The following MSANTD2 variants were observed in gnomAD, a reference collection of about 807,000 sequenced individuals.
MSANTD2 encodes Myb/SANT DNA binding domain containing 2.
MSANTD2 carries 19 observed loss-of-function variants against 52.6 expected under a neutral mutation model. That is an observed-to-expected ratio of 0.36 (90% CI 0.25 to 0.53). MSANTD2 has a LOEUF of 0.53. MSANTD2 is among the 20% of genes least tolerant of loss of function. The pLI is 0.91. For synonymous variants in MSANTD2, 291 were observed against 289.7 expected, an observed-to-expected ratio of 1.00 and a Z score of -0.04; for missense variants, 558 against 716.3, an observed-to-expected ratio of 0.78 and a Z score of 2.52.
At chr11:124,777,496 G>A (rs1446786275) in intron 1 of MSANTD2, among the ~76,000 whole-genome samples, 1 of 152,204 alleles carries the variant, frequency 6.6e-6, no homozygotes, top group Non-Finnish European at 1.5e-5. Context: ...TACTCTCTTT[G>A]GAACCACCAA....
chr11:124,777,711 C>G (rs1944797022), intron 1 of MSANTD2, among the ~76,000 whole-genome samples: 1 of 152,184 alleles, frequency 6.6e-6, no homozygotes, highest in Non-Finnish European at 1.5e-5. Context: ...AAATATCTAT[C>G]AGGGGCCTGA....
chr11:124,791,712 T>A (rs1162012029), intron 1 of MSANTD2: 2 of 956,858 alleles, frequency 2.1e-6, no homozygotes, highest in East Asian at 5.1e-5. Context: ...AGGGGAAAGA[T>A]GAGAGGTACC....
intron 1 of MSANTD2, among the ~76,000 whole-genome samples, chr11:124,780,066 T>C (rs1351158493): frequency 1.3e-5 from 2 of 152,208 alleles, no homozygotes; most frequent in Non-Finnish European, 2.9e-5. Context: ...CACCATTTAA[T>C]ATCTTTAAGA....
chr11:124,782,174 T>C (rs889710258), intron 1 of MSANTD2, among the ~76,000 whole-genome samples: 1 of 152,118 alleles, frequency 6.6e-6, no homozygotes, highest in African/African-American at 2.4e-5. Context: ...GGAGCCAGAA[T>C]CAGTGGCTCA....
chr11:124,775,040 A>T lies in MSANTD2; in HGVS notation c.511-66T>A, dbSNP rs145826543. On this transcript the variant is annotated intron_variant, in intron 1 of 3. Coordinates refer to ENST00000374979, the MANE Select transcript of MSANTD2 (RefSeq NM_001308027.2). ...TTCCTCTTCCAGGTACGGACCACAG[A>T]TATTAATTACTATTAGACAGACACA... 43 of 1,414,894 alleles carry T rather than the reference A, an allele frequency of 3.0e-5. No individual in the cohort carries two copies. The Admixed American group carries it at 6.6e-4, about 22-fold the overall frequency. 87.6% of individuals were successfully genotyped at this position (1,414,894 alleles called of 1,614,324 possible).
chr11:124,791,550 G>A, intron 1 of MSANTD2: 2 of 1,206,736 alleles, frequency 1.7e-6, no homozygotes, highest in Non-Finnish European at 2.4e-6. Context: ...GCAGACAGAA[G>A]GGTCACCAAT....
chr11:124,792,707 T>C (rs980062227), intron 1 of MSANTD2: 2 of 152,232 alleles, frequency 1.3e-5, no homozygotes, highest in African/African-American at 4.8e-5. Context: ...TTGAAGGTGA[T>C]GGTATACTAC....
intron 1 of MSANTD2, among the ~76,000 whole-genome samples, chr11:124,796,629 C>T (rs1945503558): frequency 6.6e-6 from 1 of 152,152 alleles, no homozygotes; most frequent in South Asian, 2.1e-4. Context: ...GAATTTTTGA[C>T]AGGAATTTCA....
chr11:124,789,478 T>C (rs562424165), intron 1 of MSANTD2: 7 of 152,302 alleles, frequency 4.6e-5, no homozygotes, highest in Admixed American at 3.3e-4. Flanking sequence ...GCCCAAAATA[T>C]ATAATTTATG....
intron 1 of MSANTD2, among the ~76,000 whole-genome samples, chr11:124,795,762 T>G (rs866379441): frequency 6.6e-5 from 10 of 152,282 alleles, no homozygotes; most frequent in Middle Eastern, 6.8e-3. Flanking sequence ...TAGTAAGCAC[T>G]TAAGTATTTG....
intron 1 of MSANTD2, among the ~76,000 whole-genome samples, chr11:124,783,131 G>A (rs1055137760): frequency 3.9e-5 from 6 of 152,056 alleles, no homozygotes; most frequent in African/African-American, 1.2e-4. Flanking sequence ...GATTTTAATC[G>A]GGTCAAACAG....
At chr11:124,785,908 G>T (rs933206950) in intron 1 of MSANTD2, among the ~76,000 whole-genome samples, 6 of 151,754 alleles carry the variant, frequency 4.0e-5, no homozygotes, top group African/African-American at 1.2e-4. Context: ...TGTCTTTAAT[G>T]TAAGTTCATC....
Position 124,774,015 on chromosome 11 carries a change from A to T in MSANTD2, c.766+704T>A, listed in dbSNP as rs993777197. On this transcript the variant is annotated intron_variant, in intron 2 of 3. Coordinates refer to ENST00000374979, the MANE Select transcript of MSANTD2 (RefSeq NM_001308027.2). This position sits in a 1 kb window ranked among gnomAD's most constrained non-coding sequence, Gnocchi z 5.1. Reference sequence around the variant, plus strand: ...CGCAAAGAAACAGAACAATCCCACAACTACATATATACTCTTAGTTAGGCC... The same window carrying T: ...CGCAAAGAAACAGAACAATCCCACATCTACATATATACTCTTAGTTAGGCC... 2.0e-5 allele frequency among the ~76,000 whole-genome samples: 3 copies of T among 152,214 alleles called. No homozygotes were observed. Among genetic ancestry groups the T allele is most frequent in the African/African-American group, 2.4e-5 (1 of 41,452 alleles).
At chr11:124,783,903 A>G in intron 1 of MSANTD2, 1 of 985,384 alleles carries the variant, frequency 1.0e-6, no homozygotes, top group African/African-American at 1.7e-5. Context: ...ACACTCATAC[A>G]ATGATCTCAG....
chr11:124,785,591 G>A (rs141827019), intron 1 of MSANTD2, among the ~76,000 whole-genome samples: 1,897 of 152,302 alleles, frequency 0.012, 19 homozygotes, highest in South Asian at 0.063. Flanking sequence ...GCTGCCACCA[G>A]AGAGTGGGGG....
intron 1 of MSANTD2, among the ~76,000 whole-genome samples, chr11:124,799,533 GC>G (rs918873257): frequency 1.3e-5 from 2 of 152,334 alleles, no homozygotes; most frequent in Non-Finnish European, 2.9e-5. Context: ...AAAGCGAGGG[GC>G]CCCGGCGGTG....
intron 1 of MSANTD2, among the ~76,000 whole-genome samples, chr11:124,796,553 C>T (rs1945499950): frequency 6.6e-6 from 1 of 152,044 alleles, no homozygotes; most frequent in South Asian, 2.1e-4. Context: ...CTCAAGCGAT[C>T]CTCCCACCTC....
intron 1 of MSANTD2, among the ~76,000 whole-genome samples, chr11:124,794,058 C>A (rs559067710): frequency 6.6e-6 from 1 of 152,248 alleles, no homozygotes; most frequent in East Asian, 1.9e-4. Context: ...AGGCACAATG[C>A]CACACATTTT....
In MSANTD2 at chr11:124,791,726, G is replaced by A. The variant is rs1040956453; in HGVS notation, c.510+8145C>T. On this transcript the variant is annotated intron_variant, in intron 1 of 3. Transcript: ENST00000374979. ...AAGGGGAAAGATGAGAGGTACCACAGAGACTGGGGTGAAAAGGGGAGCCAA... is the reference window on the plus strand; with the variant it reads ...AAGGGGAAAGATGAGAGGTACCACAAAGACTGGGGTGAAAAGGGGAGCCAA... The A allele has an allele frequency of 5.9e-6, 5 of 847,760 alleles. No individual in the cohort carries two copies. In the Admixed American group the frequency reaches 8.3e-5, roughly 14 times the overall value. The allele number at this position is 847,760 out of a possible 1,614,324, so 52.5% of individuals were successfully genotyped here.
Sources: gnomAD v4.1 joint callset for allele counts (sites outside exome capture counted in the v4.1 genomes callset) on GRCh38, gnomAD v4.1.1 for gene constraint, Gnocchi (gnomAD v3.1) non-coding constraint, MANE v1.5 for transcripts, NCBI Gene and HGNC (gene_info 2026-07-23, HGNC 2026-07-21) for gene names.